GEMIN2: variants seen among roughly 807,000 people sequenced by gnomAD.
The protein encoded by GEMIN2 is gem nuclear organelle associated protein 2.
Under a neutral mutation model 45.8 loss-of-function variants are expected in GEMIN2, and 37 were observed. The ratio of observed to expected loss-of-function variants is 0.81; its 90% CI spans 0.62 to 1.06. The LOEUF (loss-of-function observed/expected upper bound fraction) is 1.06. GEMIN2 is among the 50% of genes least tolerant of loss of function. GEMIN2 has a pLI of 0.00. For synonymous variants in GEMIN2, 101 were observed against 111.5 expected, an observed-to-expected ratio of 0.91 and a Z score of 0.60; for missense variants, 335 against 321.8, an observed-to-expected ratio of 1.04 and a Z score of -0.31.
chr14:39,118,021 C>G lies in GEMIN2; in HGVS notation c.245C>G (p.Pro82Arg), dbSNP rs772850312. Residue 82 changes from proline (P) to arginine (R), a missense_variant, in exon 3 of 10, where the codon CCT (proline) becomes CGT (arginine). Coordinates refer to ENST00000308317, the MANE Select transcript of GEMIN2 (RefSeq NM_003616.3). ...TAGCTTTCAGGATGCCAACCCGCCCCTGAAGGTTATTCCCCAACACTTCAA... is the reference window on the plus strand; with the variant it reads ...TAGCTTTCAGGATGCCAACCCGCCCGTGAAGGTTATTCCCCAACACTTCAA... ...NISLSGCQPA[P>R]EGYSPTLQWQ... 6.2e-7 allele frequency: 1 copy of G among 1,605,412 alleles called. No homozygotes were observed. The highest frequency in any genetic ancestry group is 1.7e-5 in the Admixed American group (1 of 59,142).
rs2052783932 is a variant in GEMIN2 at position 39,136,508 on chromosome 14, AT to A, written c.*32del. The A allele has an allele frequency of 1.9e-6, 3 of 1,576,772 alleles. No homozygotes were observed. The highest frequency in any genetic ancestry group is 2.6e-6 in the Non-Finnish European group (3 of 1,148,448). On this transcript the variant is annotated 3_prime_UTR_variant, in exon 10 of 10. Coordinates refer to ENST00000308317, the MANE Select transcript of GEMIN2 (RefSeq NM_003616.3). ...AGCTGATCTCTCAGGGATAGAAGAT[AT>A]TTCTCATGAAGGCAGCCTAACTCTG...
intron 7 of GEMIN2, among the ~76,000 whole-genome samples, chr14:39,129,628 G>C (rs2052689212): frequency 6.6e-6 from 1 of 152,028 alleles, no homozygotes; most frequent in Non-Finnish European, 1.5e-5. Flanking sequence ...GGCCAGACTG[G>C]TCTTGAACTC....
chr14:39,123,267 C>CTATATGGT, intron 5 of GEMIN2, among the ~76,000 whole-genome samples: 1 of 152,034 alleles, frequency 6.6e-6, no homozygotes, highest in Non-Finnish European at 1.5e-5. Context: ...TTATTATTTG[C>CTATATGGT]TATATGGTGC....
chr14:39,128,485 C>CT (rs71130820), intron 7 of GEMIN2, 137 bp downstream of exon 7: 69,639 of 147,158 alleles, frequency 0.47, 16,771 homozygotes, highest in Admixed American at 0.56. Context: ...TTTTTCTTTT[C>CT]TTTTTTTTTT....
In GEMIN2 at chr14:39,122,473, G is replaced by T; in HGVS notation, c.416G>T (p.Gly139Val). Residue 139 changes from glycine (G) to valine (V), a missense_variant, in exon 5 of 10, where the codon GGT (glycine) becomes GTT (valine). Transcript: ENST00000308317. Reference sequence around the variant, plus strand: ...GAAGGCTGGAAGAAATTTTGTCTGGGTGAAAAGTTATGTGCTGACGGGGCT... The same window carrying T: ...GAAGGCTGGAAGAAATTTTGTCTGGTTGAAAAGTTATGTGCTGACGGGGCT... ...DEEGWKKFCL[G>V]EKLCADGAVG... The T allele has an allele frequency of 6.2e-7, 1 of 1,609,248 alleles. No homozygotes were observed. Among genetic ancestry groups the T allele is most frequent in the Non-Finnish European group, 8.5e-7 (1 of 1,177,390 alleles).
chr14:39,136,649 A>G lies in GEMIN2; in HGVS notation c.*170A>G, dbSNP rs986856478. The stretch of plus-strand genomic sequence containing the variant: ...ATACTCAGAATATGGGTTGATTTGA[A>G]TATCTGAAATATCAATGGAAAATCC... On this transcript the variant is annotated 3_prime_UTR_variant, in exon 10 of 10. Coordinates refer to ENST00000308317, the MANE Select transcript of GEMIN2 (RefSeq NM_003616.3). The G allele has an allele frequency of 2.4e-5, 12 of 500,816 alleles. No homozygotes were observed. The highest frequency in any genetic ancestry group is 1.4e-4 in the African/African-American group (7 of 51,118). 31.0% of individuals were successfully genotyped at this position (500,816 alleles called of 1,614,324 possible). A position where few individuals can be genotyped will look rare whatever the true frequency, so the allele number is the denominator to read the frequency against.
intron 7 of GEMIN2, among the ~76,000 whole-genome samples, chr14:39,129,756 G>GTATA (rs150251009): frequency 6.6e-6 from 1 of 151,422 alleles, no homozygotes; most frequent in African/African-American, 2.4e-5. Flanking sequence ...GTGTGTGTGT[G>GTATA]TATATACATA....
rs765266299 is a variant in GEMIN2, at chr14:39,115,205, G to C, written c.222+292G>C. On this transcript the variant is annotated intron_variant, in intron 2 of 9. Coordinates refer to ENST00000308317, the MANE Select transcript of GEMIN2 (RefSeq NM_003616.3). ...TTACTTATGTTATCTTTTATTTTTTGCTTGTTTGTTTGTTTATAGAGAGGG... is the reference window on the plus strand; with the variant it reads ...TTACTTATGTTATCTTTTATTTTTTCCTTGTTTGTTTGTTTATAGAGAGGG... 8.1e-4 allele frequency among the ~76,000 whole-genome samples: 120 copies of C among 148,374 alleles called. No individual in the cohort carries two copies. In the Middle Eastern group the frequency reaches 0.011, roughly 13 times the overall value.
chr14:39,133,662 A>G lies in GEMIN2; in HGVS notation c.713A>G (p.Asp238Gly). Residue 238 changes from aspartate (D) to glycine (G), a missense_variant and splice_region_variant, in exon 9 of 10, where the codon GAT (aspartate) becomes GGT (glycine). By Grantham distance (94) the Asp-to-Gly change is moderately conservative. Transcript: ENST00000308317. Reference protein sequence around the residue: ...RRCSEVRLLVDSKDDERVPAL... With the variant: ...RRCSEVRLLVGSKDDERVPAL... ...AAATTTTTCTTTTTTTTTTTTTAGGATAGCAAAGATGATGAGAGGGTTCCT... is the reference window on the plus strand; with the variant it reads ...AAATTTTTCTTTTTTTTTTTTTAGGGTAGCAAAGATGATGAGAGGGTTCCT... 2 of 1,451,400 alleles carry G rather than the reference A, an allele frequency of 1.4e-6. No homozygotes were observed. Among genetic ancestry groups the G allele is most frequent in the Non-Finnish European group, 1.9e-6 (2 of 1,070,404 alleles). 89.9% of individuals were successfully genotyped at this position (1,451,400 alleles called of 1,614,324 possible).
rs372555968 is a variant in GEMIN2 at position 39,118,502 on chromosome 14, G to A, written c.313-38G>A. 4.9e-5 allele frequency: 45 copies of A among 915,414 alleles called. No individual in the cohort carries two copies. In the African/African-American group the frequency reaches 5.7e-4, roughly 12 times the overall value. 56.7% of individuals were successfully genotyped at this position (915,414 alleles called of 1,614,324 possible). The stretch of plus-strand genomic sequence containing the variant: ...AACTGATTTCAGTTATCCATTTTTT[G>A]AAGAGTACCATCTAATGTCTAAGTT... On this transcript the variant is annotated intron_variant, in intron 3 of 9. Coordinates refer to ENST00000308317, the MANE Select transcript of GEMIN2 (RefSeq NM_003616.3).
intron 8 of GEMIN2, among the ~76,000 whole-genome samples, chr14:39,133,359 G>A (rs2052745157): frequency 6.7e-6 from 1 of 148,788 alleles, no homozygotes; most frequent in South Asian, 2.1e-4. Flanking sequence ...TTAAGACACA[G>A]GATTCTTATT....
chr14:39,126,666 T>G (rs1181403095), intron 6 of GEMIN2, among the ~76,000 whole-genome samples: 1 of 152,262 alleles, frequency 6.6e-6, no homozygotes, highest in Admixed American at 6.5e-5. Flanking sequence ...TCCATCTGTA[T>G]AGTTTAAGAA....
chr14:39,124,215 G>A (rs1242021526), intron 5 of GEMIN2, among the ~76,000 whole-genome samples: 1 of 152,090 alleles, frequency 6.6e-6, no homozygotes, highest in Non-Finnish European at 1.5e-5. Context: ...AGCAATCACA[G>A]CCTCAGACTC....
intron 2 of GEMIN2, among the ~76,000 whole-genome samples, chr14:39,117,134 T>G (rs1222590715): frequency 2.0e-5 from 3 of 151,968 alleles, no homozygotes; most frequent in Admixed American, 1.3e-4. Context: ...TAGCCGGGTG[T>G]GGTGGCACAT....
chr14:39,124,922 A>C, intron 5 of GEMIN2, 70 bp from the exon 6 acceptor site: 1 of 762,428 alleles, frequency 1.3e-6, no homozygotes, highest in Non-Finnish European at 2.3e-6. Flanking sequence ...CAAGAAATTC[A>C]CCAGTTTGAA....
Position 39,128,359 on chromosome 14 carries a change from A to G in GEMIN2, c.600+11A>G, listed in dbSNP as rs752281171. The G allele has an allele frequency of 6.7e-7, 1 of 1,494,812 alleles. No homozygotes were observed. The highest frequency in any genetic ancestry group is 9.3e-7 in the Non-Finnish European group (1 of 1,079,406). The allele number at this position is 1,494,812 out of a possible 1,614,324, so 92.6% of individuals were successfully genotyped here. A position where few individuals can be genotyped will look rare whatever the true frequency, so the allele number is the denominator to read the frequency against. ...TTTACTCCAGAATTGGTAGTATTGC[A>G]TGTTTTTCTTTTCATAATGTAGGCA... On this transcript the variant is annotated intron_variant, in intron 7 of 9. Transcript: ENST00000308317.
At chr14:39,125,968 C>T (rs562868000) in intron 6 of GEMIN2, among the ~76,000 whole-genome samples, 3 of 150,578 alleles carry the variant, frequency 2.0e-5, no homozygotes, top group Admixed American at 6.6e-5. Flanking sequence ...TGCAGTGAGC[C>T]GAGATCGTGC....
chr14:39,123,724 T>A (rs1382568951), intron 5 of GEMIN2, among the ~76,000 whole-genome samples: 1 of 108,144 alleles, frequency 9.2e-6, no homozygotes, highest in Non-Finnish European at 1.8e-5. Context: ...TTTTTTTTTT[T>A]TTTTTTTTTT....
rs752078745 is a variant in GEMIN2 at position 39,114,414 on chromosome 14, A to G, written c.76A>G (p.Thr26Ala). 6.2e-7 allele frequency: 1 copy of G among 1,613,754 alleles called. No homozygotes were observed. The highest frequency in any genetic ancestry group is 1.3e-5 in the African/African-American group (1 of 74,890). Reference sequence around the variant, plus strand: ...ATTGCCGGTAGAGCCTTGCGACTTGACGGAAGGTTTCGATCCCTCGGTACC... The same window carrying G: ...ATTGCCGGTAGAGCCTTGCGACTTGGCGGAAGGTTTCGATCCCTCGGTACC... ...RLLPVEPCDL[T>A]EGFDPSVPPR... The change falls in exon 1 of 10, where the codon ACG (threonine) becomes GCG (alanine). Residue 26 changes from threonine (T) to alanine (A), a missense_variant. Physicochemically the swap from Thr to Ala is moderately conservative, Grantham distance 58 (BLOSUM62 0). Transcript: ENST00000308317.
Sources: gnomAD v4.1 joint callset for allele counts (sites outside exome capture counted in the v4.1 genomes callset) on GRCh38, gnomAD v4.1.1 for gene constraint, MANE v1.5 for transcripts, NCBI Gene and HGNC (gene_info 2026-07-23, HGNC 2026-07-21) for gene names.